ASB7: variants seen among roughly 807,000 people sequenced by gnomAD.
ASB7 encodes ankyrin repeat and SOCS box protein 7.
ASB7 carries 4 observed loss-of-function variants against 32.5 expected under a neutral mutation model. That is an observed-to-expected ratio of 0.12 (90% CI 0.06 to 0.28). ASB7 has a LOEUF of 0.28. ASB7 is among the 10% of genes least tolerant of loss of function. ASB7 has a pLI of 1.00. For missense variants in ASB7, 181 were observed against 407.1 expected, an observed-to-expected ratio of 0.44 and a Z score of 4.78; for synonymous variants, 172 against 155.6, an observed-to-expected ratio of 1.11 and a Z score of -0.78.
At chr15:100,646,286 T>A in intron 5 of ASB7, 1 of 392,486 alleles carries the variant, frequency 2.5e-6, no homozygotes. Context: ...AAGGACCAGA[T>A]TCGAGAAGTC....
At position 100,631,306 on chromosome 15, in the gene ASB7, C is replaced by T. The variant is rs34532212; in HGVS notation, c.817+1264C>T. On this transcript the variant is annotated intron_variant, in intron 5 of 5. Transcript: ENST00000332783. The stretch of plus-strand genomic sequence containing the variant: ...CGTTGCCACTGAGGAACTGAAATTT[C>T]AATTTTATTTAATTGCGATTTAAGT... Among the ~76,000 whole-genome samples the T allele has an allele frequency of 5.6e-3, 846 of 152,242 alleles. 6 individuals are homozygous for T. The highest frequency in any genetic ancestry group is 0.014 in the Middle Eastern group (4 of 294).
chr15:100,614,604 A>C (rs1165901896), intron 4 of ASB7, among the ~76,000 whole-genome samples: 1 of 151,854 alleles, frequency 6.6e-6, no homozygotes, highest in South Asian at 2.1e-4. Context: ...TGGTGGGGGG[A>C]AAAAAAGAAA....
chr15:100,643,060 CA>C (rs2039972221), intron 5 of ASB7, among the ~76,000 whole-genome samples: 1 of 152,064 alleles, frequency 6.6e-6, no homozygotes, highest in Admixed American at 6.6e-5. Context: ...ACAACAACAA[CA>C]AAAAAGGCTG....
chr15:100,611,866 C>T (rs1411134539), intron 3 of ASB7, among the ~76,000 whole-genome samples: 1 of 143,342 alleles, frequency 7.0e-6, no homozygotes, highest in African/African-American at 2.6e-5. Flanking sequence ...GTGGTCCAGG[C>T]TGGAGTGCAG....
rs1360491032 is a variant in ASB7, at chr15:100,650,293, G to T, written c.*1831G>T. ...AATGTTCCAAAAAGTTATCTCCAGA[G>T]AGAGTCCCTTATGAAGACAGTTGCC... is the stretch of plus-strand genomic sequence containing the variant. On this transcript the variant is annotated 3_prime_UTR_variant, in exon 6 of 6. Transcript: ENST00000332783. 6.6e-6 allele frequency: 1 copy of T among 152,276 alleles called. No homozygotes were observed. The highest frequency in any genetic ancestry group is 1.5e-5 in the Non-Finnish European group (1 of 68,084). The allele number at this position is 152,276 out of a possible 1,614,324, so 9.4% of individuals were successfully genotyped here.
At position 100,602,672 on chromosome 15, in the gene ASB7, C is replaced by G; in HGVS notation, c.-647C>G. ...GAAAGCCCCCTGTCCGGAGACCCCA[C>G]GGCTGGCACTTCGGGCCCCGTATGA... On this transcript the variant is annotated 5_prime_UTR_variant, in exon 1 of 6. Coordinates refer to ENST00000332783, the MANE Select transcript of ASB7 (RefSeq NM_198243.3). 3.4e-6 allele frequency: 1 copy of G among 295,880 alleles called. No individual in the cohort carries two copies. The allele number at this position is 295,880 out of a possible 1,614,324, so 18.3% of individuals were successfully genotyped here. A position where few individuals can be genotyped will look rare whatever the true frequency, so the allele number is the denominator to read the frequency against.
At chr15:100,626,240 A>C (rs2039836003) in intron 4 of ASB7, among the ~76,000 whole-genome samples, 1 of 152,222 alleles carries the variant, frequency 6.6e-6, no homozygotes, top group African/African-American at 2.4e-5. Context: ...CACATCTGAC[A>C]AAAGGCTTGT....
At chr15:100,647,874 C>T (rs1382552726) in intron 5 of ASB7, among the ~76,000 whole-genome samples, 1 of 152,110 alleles carries the variant, frequency 6.6e-6, no homozygotes, top group African/African-American at 2.4e-5. Flanking sequence ...CTCTTTCAGT[C>T]CCCACACTTT....
At chr15:100,622,363 G>T (rs1638473765) in intron 4 of ASB7, among the ~76,000 whole-genome samples, 1 of 152,180 alleles carries the variant, frequency 6.6e-6, no homozygotes, top group African/African-American at 2.4e-5. Context: ...AATTAATATT[G>T]TTAAAATGAC....
At chr15:100,638,044 T>G (rs971625795) in intron 5 of ASB7, among the ~76,000 whole-genome samples, 4 of 152,118 alleles carry the variant, frequency 2.6e-5, no homozygotes, top group Admixed American at 2.6e-4. Context: ...AATTTCTCAA[T>G]TTCTAAAATA....
intron 4 of ASB7, among the ~76,000 whole-genome samples, chr15:100,616,423 C>T (rs1178011488): frequency 6.6e-6 from 1 of 152,142 alleles, no homozygotes; most frequent in African/African-American, 2.4e-5. Context: ...AGGAAGTATA[C>T]TGCAGGGTCA....
intron 5 of ASB7, chr15:100,630,329 C>T: frequency 2.0e-6 from 1 of 498,644 alleles, no homozygotes; most frequent in Non-Finnish European, 2.9e-6. Context: ...GAACAAAGAT[C>T]TGTGTTAGAA....
rs2040024048 is a variant in ASB7 at position 100,650,418 on chromosome 15, T to C, written c.*1956T>C. On this transcript the variant is annotated 3_prime_UTR_variant, in exon 6 of 6. Coordinates refer to ENST00000332783, the MANE Select transcript of ASB7 (RefSeq NM_198243.3). ...TGGCTAGAAATGAATTGAGTGTGAC[T>C]TCTCCCTACAACCCCAGGCCCAGGG... 6.6e-6 allele frequency: 1 copy of C among 152,280 alleles called. No homozygotes were observed. The highest frequency in any genetic ancestry group is 2.4e-5 in the African/African-American group (1 of 41,452). The allele number at this position is 152,280 out of a possible 1,614,324, so 9.4% of individuals were successfully genotyped here.
At chr15:100,623,549 G>A (rs1320135471) in intron 4 of ASB7, among the ~76,000 whole-genome samples, 1 of 152,200 alleles carries the variant, frequency 6.6e-6, no homozygotes, top group East Asian at 1.9e-4. Context: ...TCTTATCCCA[G>A]TTGTAATGGC....
chr15:100,610,494 CA>C (rs5814978), intron 3 of ASB7, among the ~76,000 whole-genome samples: 1,489 of 136,866 alleles, frequency 0.011, 31 homozygotes, highest in African/African-American at 0.037. Flanking sequence ...GACTCCGTCT[CA>C]AAAAAAAAAA....
At chr15:100,634,642 A>G (rs2039908724) in intron 5 of ASB7, among the ~76,000 whole-genome samples, 1 of 151,918 alleles carries the variant, frequency 6.6e-6, no homozygotes, top group Non-Finnish European at 1.5e-5. Flanking sequence ...CGTCTCTACT[A>G]AAAACACAAA....
chr15:100,636,288 A>G (rs905210588), intron 5 of ASB7, among the ~76,000 whole-genome samples: 1 of 152,150 alleles, frequency 6.6e-6, no homozygotes, highest in African/African-American at 2.4e-5. Context: ...GAGTTTGTTC[A>G]GGTTTTTTGT....
At chr15:100,621,809 T>C (rs536142537) in intron 4 of ASB7, among the ~76,000 whole-genome samples, 6 of 149,326 alleles carry the variant, frequency 4.0e-5, no homozygotes, top group South Asian at 4.2e-4. Context: ...AAAAAACAAA[T>C]AAGGATTCTT....
chr15:100,635,116 C>T (rs1232501378), intron 5 of ASB7, among the ~76,000 whole-genome samples: 3 of 152,186 alleles, frequency 2.0e-5, no homozygotes, highest in Non-Finnish European at 4.4e-5. Context: ...AGACAAGGTA[C>T]AGCACTGTTG....
Sources: allele counts gnomAD v4.1 joint callset (sites outside exome capture counted in the v4.1 genomes callset), GRCh38; gene constraint gnomAD v4.1.1; transcripts MANE v1.5; gene names NCBI Gene and HGNC (gene_info 2026-07-23, HGNC 2026-07-21).